Variants in EPB41L2 observed in about 807,000 individuals in gnomAD.
The protein encoded by EPB41L2 is erythrocyte membrane protein band 4.1 like 2.
EPB41L2 carries 43 observed loss-of-function variants against 113.0 expected under a neutral mutation model. The ratio of observed to expected loss-of-function variants is 0.38; its 90% confidence interval spans 0.30 to 0.49. The LOEUF (loss-of-function observed/expected upper bound fraction) is 0.49, where lower values mean the gene tolerates loss of function less well. Among genes scored for constraint, EPB41L2 ranks in the 20% least tolerant of loss-of-function variants. The pLI is 0.95. For synonymous variants in EPB41L2, 442 were observed against 436.7 expected (o/e 1.01, Z -0.15); for missense variants, 1,147 against 1,223.4 (o/e 0.94, Z 0.93).
intron 1 of EPB41L2, among the ~76,000 whole-genome samples, chr6:131,007,253 T>C (rs1441649468): frequency 1.3e-5 from 2 of 152,172 alleles, no homozygotes; most frequent in East Asian, 1.9e-4. Flanking sequence ...TAAGATATTG[T>C]AGTTTTATAA....
intron 1 of EPB41L2, among the ~76,000 whole-genome samples, chr6:131,044,071 G>C (rs1304632494): frequency 2.1e-5 from 3 of 145,878 alleles, no homozygotes; most frequent in Non-Finnish European, 4.5e-5. Context: ...GTCCAGGTTG[G>C]AGTGCAGTAG....
chr6:130,874,818 C>T (rs1263002383), intron 14 of EPB41L2, among the ~76,000 whole-genome samples: 1 of 152,046 alleles, frequency 6.6e-6, no homozygotes, highest in Non-Finnish European at 1.5e-5. Context: ...ACATGAGATC[C>T]AGAAAAATGA....
intron 1 of EPB41L2, among the ~76,000 whole-genome samples, chr6:130,977,439 A>G (rs111836310): frequency 6.6e-6 from 1 of 152,272 alleles, no homozygotes; most frequent in Non-Finnish European, 1.5e-5. Flanking sequence ...TCCTGTAGCA[A>G]ACTGTCCTGC....
chr6:130,953,589 C>T (rs936303398), intron 3 of EPB41L2, among the ~76,000 whole-genome samples: 1 of 151,900 alleles, frequency 6.6e-6, no homozygotes, highest in Non-Finnish European at 1.5e-5. Context: ...ATGGGTGCAG[C>T]ACACCAACAC....
chr6:130,928,239 T>A (rs925715227), intron 3 of EPB41L2, among the ~76,000 whole-genome samples: 1 of 152,222 alleles, frequency 6.6e-6, no homozygotes, highest in East Asian at 1.9e-4. Flanking sequence ...ATATTAAAAG[T>A]ATATACAAAT....
chr6:130,857,283 A>AT (rs1780539141), intron 19 of EPB41L2, among the ~76,000 whole-genome samples: 1 of 152,098 alleles, frequency 6.6e-6, no homozygotes, highest in South Asian at 2.1e-4. Flanking sequence ...GAGGCTGCAC[A>AT]TTTTTTGTTT....
At chr6:131,037,566 T>C (rs1019263640) in intron 1 of EPB41L2, among the ~76,000 whole-genome samples, 1 of 151,262 alleles carries the variant, frequency 6.6e-6, no homozygotes, top group Non-Finnish European at 1.5e-5. Flanking sequence ...TATTCATCTT[T>C]ATACTTTGAA....
intron 19 of EPB41L2, among the ~76,000 whole-genome samples, chr6:130,857,862 A>G (rs1015816251): frequency 6.6e-6 from 1 of 152,224 alleles, no homozygotes; most frequent in South Asian, 2.1e-4. Flanking sequence ...TGTAACTTAC[A>G]GTAATGTGCT....
At chr6:130,985,462 G>A (rs900696129) in intron 1 of EPB41L2, among the ~76,000 whole-genome samples, 1 of 152,174 alleles carries the variant, frequency 6.6e-6, no homozygotes, top group African/African-American at 2.4e-5. Context: ...CAGTGCGTGG[G>A]ACAAGAACTC....
intron 14 of EPB41L2, among the ~76,000 whole-genome samples, chr6:130,874,052 C>T (rs1431044768): frequency 3.3e-5 from 5 of 152,080 alleles, no homozygotes; most frequent in African/African-American, 1.2e-4. Context: ...AATGACATAC[C>T]TTCAAAAGTA....
intron 1 of EPB41L2, among the ~76,000 whole-genome samples, chr6:131,001,490 TA>T (rs1377766097): frequency 1.3e-5 from 2 of 152,168 alleles, no homozygotes; most frequent in African/African-American, 4.8e-5. Context: ...AAAAAGAATT[TA>T]TTTTTTTAGT....
At chr6:130,878,593 C>T (rs1449871031) in intron 13 of EPB41L2, 1 of 190,882 alleles carries the variant, frequency 5.2e-6, no homozygotes, top group Non-Finnish European at 1.1e-5. Flanking sequence ...CACTTCCTTC[C>T]AGTACCTGGA....
intron 1 of EPB41L2, among the ~76,000 whole-genome samples, chr6:131,030,737 C>T (rs147762116): frequency 3.4e-4 from 52 of 152,240 alleles, no homozygotes; most frequent in African/African-American, 1.2e-3. Flanking sequence ...AAATTAATTG[C>T]GGTCCTCTGC....
chr6:130,979,918 G>C (rs752067938), intron 1 of EPB41L2, among the ~76,000 whole-genome samples: 1 of 152,168 alleles, frequency 6.6e-6, no homozygotes, highest in Non-Finnish European at 1.5e-5. Flanking sequence ...AGATGAAACT[G>C]TAGAGAAAAC....
At chr6:130,899,662 G>A in intron 7 of EPB41L2, 84 bp from the exon 8 acceptor site, 1 of 1,300,120 alleles carries the variant, frequency 7.7e-7, no homozygotes, top group Non-Finnish European at 1.1e-6. Context: ...TGTGCTCAGA[G>A]GGTTTGGAGG....
chr6:130,955,451 G>A, intron 2 of EPB41L2, 134 bp from the exon 3 acceptor site: 1 of 886,382 alleles, frequency 1.1e-6, no homozygotes, highest in Admixed American at 2.9e-5. Context: ...TTAAAGACTT[G>A]AAAATTCCAA....
intron 11 of EPB41L2, among the ~76,000 whole-genome samples, chr6:130,889,869 G>A (rs1381563211): frequency 6.6e-6 from 1 of 152,120 alleles, no homozygotes; most frequent in Non-Finnish European, 1.5e-5. Flanking sequence ...GGGACCAGAA[G>A]TGTTGCGGAT....
At chr6:131,018,646 T>C (rs1788773037) in intron 1 of EPB41L2, among the ~76,000 whole-genome samples, 1 of 152,260 alleles carries the variant, frequency 6.6e-6, no homozygotes, top group African/African-American at 2.4e-5. Context: ...CTAAATATTT[T>C]AAAGATTGGC....
intron 4 of EPB41L2, among the ~76,000 whole-genome samples, chr6:130,922,450 A>G (rs1464001064): frequency 6.6e-6 from 1 of 152,200 alleles, no homozygotes; most frequent in African/African-American, 2.4e-5. Context: ...ACCTTGACTG[A>G]CAGAAGGTTT....
Sources: gnomAD v4.1 joint callset for allele counts (sites outside exome capture counted in the v4.1 genomes callset) on GRCh38, gnomAD v4.1.1 for gene constraint, MANE v1.5 for transcripts, NCBI Gene and HGNC (gene_info 2026-07-23, HGNC 2026-07-21) for gene names.